RYR2: variants seen among roughly 807,000 people sequenced by gnomAD.
RYR2 encodes the protein ryanodine receptor 2, also known as cardiac muscle ryanodine receptor-calcium release channel.
A neutral mutation model predicts 601.1 loss-of-function variants in RYR2; 227 were observed. The ratio of observed to expected loss-of-function variants is 0.38; its 90% confidence interval spans 0.34 to 0.42. The LOEUF (loss-of-function observed/expected upper bound fraction) is 0.42, where lower values mean the gene tolerates loss of function less well. Ranked by LOEUF, RYR2 falls within the 10% of genes least tolerant of loss-of-function variation. The pLI, the probability that RYR2 is intolerant of heterozygous loss-of-function variation, is 1.00. For synonymous variants in RYR2, 2,223 were observed against 2,175.1 expected, an observed-to-expected ratio of 1.02 and a Z score of -0.61; for missense variants, 4,646 against 6,156.5, an observed-to-expected ratio of 0.75 and a Z score of 8.21.
chr1:237,437,431 A>G (rs1034764608), intron 12 of RYR2, among the ~76,000 whole-genome samples: 1 of 152,176 alleles, frequency 6.6e-6, no homozygotes, highest in African/African-American at 2.4e-5. Context: ...AATGCTCATA[A>G]TGGGAGTAGT....
intron 1 of RYR2, among the ~76,000 whole-genome samples, chr1:237,149,907 C>T (rs902085322): frequency 6.6e-6 from 1 of 152,122 alleles, no homozygotes; most frequent in Non-Finnish European, 1.5e-5. Context: ...GTTACATATG[C>T]TGGCCCATTT....
intron 10 of RYR2, among the ~76,000 whole-genome samples, chr1:237,401,925 G>A (rs1703381954): frequency 6.6e-6 from 1 of 152,084 alleles, no homozygotes; most frequent in Admixed American, 6.5e-5. Flanking sequence ...TATTCACTTG[G>A]AAAATTCCAA....
chr1:237,764,429 T>C (rs1428851947), intron 84 of RYR2, among the ~76,000 whole-genome samples: 3 of 80,558 alleles, frequency 3.7e-5, no homozygotes, highest in Non-Finnish European at 8.2e-5. Flanking sequence ...TTTTTTTTTT[T>C]GCCCCTTGAC....
At chr1:237,360,476 T>G (rs1185694301) in intron 4 of RYR2, among the ~76,000 whole-genome samples, 1 of 152,180 alleles carries the variant, frequency 6.6e-6, no homozygotes, top group Non-Finnish European at 1.5e-5. Flanking sequence ...TCGGAATCAT[T>G]TATTTTTCTT....
chr1:237,148,523 A>ATATATATATATAT (rs1316106371), intron 1 of RYR2, among the ~76,000 whole-genome samples: 7 of 48,276 alleles, frequency 1.5e-4, no homozygotes, highest in African/African-American at 1.8e-4. Context: ...AGTAAAAAAA[A>ATATATATATATAT]AAAAATATAT....
chr1:237,575,988 A>G (rs1673181532), intron 29 of RYR2, among the ~76,000 whole-genome samples: 1 of 152,182 alleles, frequency 6.6e-6, no homozygotes, highest in African/African-American at 2.4e-5. Context: ...TAAAGATACC[A>G]TTTACAGTAG....
intron 5 of RYR2, among the ~76,000 whole-genome samples, chr1:237,367,594 C>T (rs34151790): frequency 0.33 from 50,750 of 151,802 alleles, 8,773 homozygotes; most frequent in East Asian, 0.43. Context: ...TCTTAAGGCA[C>T]AGGTCAGTAT....
intron 25 of RYR2, among the ~76,000 whole-genome samples, chr1:237,546,069 T>G (rs1264250248): frequency 6.6e-6 from 1 of 151,832 alleles, no homozygotes; most frequent in Admixed American, 6.6e-5. Flanking sequence ...GATTACAGTT[T>G]ATAGATTTGC....
intron 1 of RYR2, among the ~76,000 whole-genome samples, chr1:237,094,913 C>T (rs1667363134): frequency 6.6e-6 from 1 of 152,170 alleles, no homozygotes; most frequent in African/African-American, 2.4e-5. Flanking sequence ...ATATTATTAA[C>T]AAACAACCCA....
chr1:237,610,793 A>G lies in RYR2; in HGVS notation c.4715A>G (p.Lys1572Arg). The change falls in exon 36 of 105, where the codon AAG becomes AGG. Residue 1572 changes from lysine (K) to arginine (R), a missense_variant. Physicochemically the swap from Lys to Arg is conservative, Grantham distance 26 (BLOSUM62 2). Coordinates refer to ENST00000366574, the MANE Select transcript of RYR2 (RefSeq NM_001035.3). This position sits in a 1 kb window ranked among gnomAD's most constrained non-coding sequence, Gnocchi z 4.9. ...NVMPLSAGLF[K>R]SEHKNPVPQC... Reference sequence around the variant, plus strand: ...ATGCCTCTCTCGGCGGGATTATTCAAGAGTGAGCACAAGAACCCCGTGCCG... The same window carrying G: ...ATGCCTCTCTCGGCGGGATTATTCAGGAGTGAGCACAAGAACCCCGTGCCG... 5.0e-6 allele frequency: 8 copies of G among 1,609,200 alleles called. No homozygotes were observed. The highest frequency in any genetic ancestry group is 6.8e-6 in the Non-Finnish European group (8 of 1,178,152).
rs1434498185 is a variant in RYR2, at chr1:237,231,938, T to A, written c.49-38559T>A. On this transcript the variant is annotated intron_variant, in intron 1 of 104. Coordinates refer to ENST00000366574, the MANE Select transcript of RYR2 (RefSeq NM_001035.3). ...CTGAGACTTCTGTGGACAATTGCTGTAATGTGTAGGTGGCAAATAAGATGA... is the reference window on the plus strand; with the variant it reads ...CTGAGACTTCTGTGGACAATTGCTGAAATGTGTAGGTGGCAAATAAGATGA... 2.0e-5 allele frequency among the ~76,000 whole-genome samples: 3 copies of A among 152,324 alleles called. No homozygotes were observed. The East Asian group carries it at 5.8e-4, about 29-fold the overall frequency.
chr1:237,679,154 C>A (rs1685643784), intron 61 of RYR2, among the ~76,000 whole-genome samples: 1 of 152,122 alleles, frequency 6.6e-6, no homozygotes, highest in African/African-American at 2.4e-5. Context: ...TATCTCCGGT[C>A]TCTGTGAGAT....
rs181004156 is a variant in RYR2 at position 237,290,171 on chromosome 1, T to C, written c.168+19555T>C. On this transcript the variant is annotated intron_variant, in intron 2 of 104. Transcript: ENST00000366574. ...GTCATCAACTGATAAAGGGATACTA[T>C]GTGGTAACAAAAAGAATGAACTATT... 3.9e-5 allele frequency among the ~76,000 whole-genome samples: 6 copies of C among 152,340 alleles called. No homozygotes were observed. In the East Asian group the frequency reaches 1.2e-3, roughly 29 times the overall value.
At chr1:237,426,879 A>G (rs1198661244) in intron 12 of RYR2, among the ~76,000 whole-genome samples, 3 of 152,174 alleles carry the variant, frequency 2.0e-5, no homozygotes, top group African/African-American at 7.2e-5. Flanking sequence ...CCAAGACTTT[A>G]TAGAAAAACT....
At chr1:237,832,458 C>T (rs538895588) in intron 104 of RYR2, 94 bp from the exon 105 acceptor site, 12 of 707,212 alleles carry the variant, frequency 1.7e-5, no homozygotes, top group East Asian at 8.0e-5. Context: ...TTCTCTATTC[C>T]GTGCGATATA....
At chr1:237,472,921 A>T (rs2150321004) in intron 17 of RYR2, among the ~76,000 whole-genome samples, 1 of 152,262 alleles carries the variant, frequency 6.6e-6, no homozygotes, top group East Asian at 1.9e-4. Context: ...GCAAATGGGA[A>T]GTCATTAGAC....
At chr1:237,143,189 A>G (rs1457767906) in intron 1 of RYR2, among the ~76,000 whole-genome samples, 1 of 152,228 alleles carries the variant, frequency 6.6e-6, no homozygotes. Flanking sequence ...ATCAATGTGA[A>G]TCACTATGTA....
chr1:237,341,445 A>G (rs370087897), intron 3 of RYR2, among the ~76,000 whole-genome samples: 1 of 152,144 alleles, frequency 6.6e-6, no homozygotes. Flanking sequence ...AGCAAAAACA[A>G]CAATTAACAC....
chr1:237,337,199 C>T (rs1170155352), intron 3 of RYR2, among the ~76,000 whole-genome samples: 1 of 151,184 alleles, frequency 6.6e-6, no homozygotes, highest in Non-Finnish European at 1.5e-5. Context: ...TTGCAGTGAG[C>T]CCAGATCGTG....
Sources: gnomAD v4.1 joint callset for allele counts (sites outside exome capture counted in the v4.1 genomes callset) on GRCh38, gnomAD v4.1.1 for gene constraint, Gnocchi (gnomAD v3.1) non-coding constraint, MANE v1.5 for transcripts, NCBI Gene and HGNC (gene_info 2026-07-23, HGNC 2026-07-21) for gene names.